Variants in TCF7L2 observed in about 807,000 individuals in gnomAD.
TCF7L2 encodes transcription factor 7-like 2.
In TCF7L2, 23 loss-of-function variants were observed where a neutral mutation model predicts 77.9. The observed-to-expected ratio is 0.30, with a 90% CI of 0.21 to 0.42. The LOEUF is 0.42. Ranked by LOEUF, TCF7L2 falls within the 10% of genes least tolerant of loss-of-function variation. TCF7L2 has a pLI of 1.00. For missense variants in TCF7L2, 654 were observed against 793.1 expected (o/e 0.82, Z 2.11); for synonymous variants, 413 against 340.2 (o/e 1.21, Z -2.36).
chr10:113,082,878 A>C, intron 5 of TCF7L2, among the ~76,000 whole-genome samples: 1 of 152,026 alleles, frequency 6.6e-6, no homozygotes, highest in East Asian at 1.9e-4. Context: ...TGAGCCCCAG[A>C]AATTCAGAGA....
In TCF7L2 at chr10:113,062,580, C is replaced by T. The variant is rs1392921437; in HGVS notation, c.552+22454C>T. Among the ~76,000 whole-genome samples, 7 of 152,102 alleles carry T rather than the reference C, an allele frequency of 4.6e-5. No homozygotes were observed. The East Asian group carries it at 7.7e-4, about 17-fold the overall frequency. On this transcript the variant is annotated intron_variant, in intron 5 of 13. Transcript: ENST00000627217. Reference sequence around the variant, plus strand: ...CTTACTGTCTCCCCCTTCCCCCACACACCACCTTTTGGGGATAGGGTGGCA... The same window carrying T: ...CTTACTGTCTCCCCCTTCCCCCACATACCACCTTTTGGGGATAGGGTGGCA...
chr10:113,107,746 T>A (rs1418844642), intron 5 of TCF7L2, among the ~76,000 whole-genome samples: 2 of 43,828 alleles, frequency 4.6e-5, no homozygotes, highest in African/African-American at 7.0e-5. Context: ...CGAGCGAGAC[T>A]CCGTCTAAAA....
chr10:113,023,631 C>T (rs2048596628), intron 4 of TCF7L2, among the ~76,000 whole-genome samples: 2 of 151,972 alleles, frequency 1.3e-5, no homozygotes, highest in Admixed American at 1.3e-4. Flanking sequence ...ACCACCACAC[C>T]CAGCTAATTT....
intron 5 of TCF7L2, among the ~76,000 whole-genome samples, chr10:113,103,176 C>T (rs1312810207): frequency 2.6e-5 from 4 of 152,108 alleles, no homozygotes; most frequent in South Asian, 2.1e-4. Flanking sequence ...GTTGTCCAAA[C>T]GAGGCTGCCC....
intron 4 of TCF7L2, among the ~76,000 whole-genome samples, chr10:113,001,379 A>G (rs1029755066): frequency 1.3e-5 from 2 of 152,236 alleles, no homozygotes; most frequent in African/African-American, 4.8e-5. Context: ...CCTGCAGGGT[A>G]AGTAGAACCC....
At position 113,160,561 on chromosome 10, in the gene TCF7L2, C is replaced by G. The variant is rs1179016872; in HGVS notation, c.1319-58C>G. On this transcript the variant is annotated intron_variant, in intron 12 of 13. Coordinates refer to ENST00000627217, the MANE Select transcript of TCF7L2 (RefSeq NM_001146274.2). ...GGAAGCTGTAGCTGAGATTTCACATCCAACTGAGCACGACCCACCATTGTG... is the reference window on the plus strand; with the variant it reads ...GGAAGCTGTAGCTGAGATTTCACATGCAACTGAGCACGACCCACCATTGTG... 3 of 1,483,672 alleles carry G rather than the reference C, an allele frequency of 2.0e-6. No homozygotes were observed. In the African/African-American group the frequency reaches 4.2e-5, roughly 21 times the overall value. 91.9% of individuals were successfully genotyped at this position (1,483,672 alleles called of 1,614,324 possible). A position where few individuals can be genotyped will look rare whatever the true frequency, so the allele number is the denominator to read the frequency against.
At chr10:113,072,449 G>A (rs926433132) in intron 5 of TCF7L2, among the ~76,000 whole-genome samples, 2 of 152,136 alleles carry the variant, frequency 1.3e-5, no homozygotes, top group South Asian at 2.1e-4. Flanking sequence ...GCGCCTCCCG[G>A]GTTCAAGCGA....
chr10:113,152,385 A>C lies in TCF7L2; in HGVS notation c.1214A>C (p.Lys405Thr). 2 of 1,614,234 alleles carry C rather than the reference A, an allele frequency of 1.2e-6. No homozygotes were observed. The highest frequency in any genetic ancestry group is 1.7e-6 in the Non-Finnish European group (2 of 1,180,042). ...GCGAAATACTACGAGCTGGCCCGGA[A>C]GGAGCGACAGCTTCATATGCAACTG... The change falls in exon 11 of 14, where the codon AAG becomes ACG. Residue 405 changes from lysine to threonine, a missense_variant. By Grantham distance (78) the Lys-to-Thr change is moderately conservative. Transcript: ENST00000627217.
At chr10:113,135,869 T>TTGGTAGG (rs1262321311) in intron 5 of TCF7L2, among the ~76,000 whole-genome samples, 1 of 152,034 alleles carries the variant, frequency 6.6e-6, no homozygotes, top group Non-Finnish European at 1.5e-5. Context: ...GATGCAGTGA[T>TTGGTAGG]TGGTAGGTGG....
intron 4 of TCF7L2, among the ~76,000 whole-genome samples, chr10:112,995,274 C>A (rs972731214): frequency 1.3e-5 from 2 of 152,162 alleles, no homozygotes; most frequent in African/African-American, 4.8e-5. Context: ...TCCCAGTAGG[C>A]AAAGTTCGGC....
At chr10:113,129,397 G>A (rs1443590944) in intron 5 of TCF7L2, 1 of 995,538 alleles carries the variant, frequency 1.0e-6, no homozygotes, top group African/African-American at 1.7e-5. Flanking sequence ...AGGGGACTTT[G>A]CTGAGGTGCC....
chr10:112,995,659 T>C (rs2043334088), intron 4 of TCF7L2, among the ~76,000 whole-genome samples: 1 of 152,194 alleles, frequency 6.6e-6, no homozygotes, highest in Non-Finnish European at 1.5e-5. Context: ...CTAAGCCCAC[T>C]ACTGCCTGGT....
chr10:112,983,135 G>GT (rs747412006), intron 4 of TCF7L2, among the ~76,000 whole-genome samples: 2,112 of 145,980 alleles, frequency 0.014, 22 homozygotes, highest in Non-Finnish European at 0.021. Context: ...TTGTTTTTTT[G>GT]TTTTTTTTTT....
At chr10:113,129,518 C>T (rs781524243) in intron 5 of TCF7L2, 35 of 1,004,836 alleles carry the variant, frequency 3.5e-5, no homozygotes, top group Non-Finnish European at 4.2e-5. Flanking sequence ...ATTAAATCTG[C>T]AACCAGCTGA....
chr10:113,053,482 G>A (rs957976075), intron 5 of TCF7L2, among the ~76,000 whole-genome samples: 3 of 152,214 alleles, frequency 2.0e-5, no homozygotes, highest in African/African-American at 7.2e-5. Flanking sequence ...GGCTTTGGGA[G>A]CTTTTTGTCA....
intron 5 of TCF7L2, among the ~76,000 whole-genome samples, chr10:113,127,866 CTTT>C (rs34638595): frequency 0.047 from 5,166 of 110,228 alleles, 272 homozygotes; most frequent in African/African-American, 0.15. Flanking sequence ...TTGCTGCGTC[CTTT>C]TTTTTTTTTT....
At chr10:112,967,544 C>T (rs2037239272) in intron 4 of TCF7L2, among the ~76,000 whole-genome samples, 1 of 152,198 alleles carries the variant, frequency 6.6e-6, no homozygotes, top group Non-Finnish European at 1.5e-5. Flanking sequence ...AGCCTCCTAG[C>T]TCCCCTTGGT....
intron 4 of TCF7L2, among the ~76,000 whole-genome samples, chr10:112,991,462 C>T (rs912619845): frequency 1.3e-5 from 2 of 150,980 alleles, no homozygotes; most frequent in East Asian, 2.0e-4. Context: ...GAGCCGAGAT[C>T]GCCCCACTGC....
At chr10:113,010,470 C>T (rs534621594) in intron 4 of TCF7L2, among the ~76,000 whole-genome samples, 96 of 152,246 alleles carry the variant, frequency 6.3e-4, no homozygotes, top group African/African-American at 2.1e-3. Context: ...GAGTCCTATG[C>T]GTTCTGTGCC....
Sources: allele counts gnomAD v4.1 joint callset (sites outside exome capture counted in the v4.1 genomes callset), GRCh38; gene constraint gnomAD v4.1.1; transcripts MANE v1.5; gene names NCBI Gene and HGNC (gene_info 2026-07-23, HGNC 2026-07-21).